FNDC3B: variants seen among roughly 807,000 people sequenced by gnomAD.
FNDC3B encodes the protein fibronectin type III domain-containing protein 3B.
A neutral mutation model predicts 151.5 loss-of-function variants in FNDC3B; 12 were observed. That is an observed-to-expected ratio of 0.08 (90% CI 0.05 to 0.13). The LOEUF is 0.13. FNDC3B is among the 10% of genes least tolerant of loss of function. FNDC3B has a pLI of 1.00. For synonymous variants in FNDC3B, 528 were observed against 549.0 expected, an observed-to-expected ratio of 0.96 and a Z score of 0.54; for missense variants, 1,214 against 1,505.3, an observed-to-expected ratio of 0.81 and a Z score of 3.20.
chr3:172,217,715 C>T (rs1463558383), intron 3 of FNDC3B, among the ~76,000 whole-genome samples: 3 of 152,028 alleles, frequency 2.0e-5, no homozygotes, highest in African/African-American at 7.2e-5. Flanking sequence ...GATACCTCAA[C>T]TTCAATGAAA....
At chr3:172,050,943 T>C (rs1373302031) in intron 1 of FNDC3B, among the ~76,000 whole-genome samples, 2 of 152,092 alleles carry the variant, frequency 1.3e-5, no homozygotes, top group African/African-American at 2.4e-5. Flanking sequence ...CCAGGAGTGA[T>C]ACGAAGAATT....
intron 25 of FNDC3B, among the ~76,000 whole-genome samples, chr3:172,393,910 CA>C (rs1736141568): frequency 1.3e-5 from 2 of 151,622 alleles, no homozygotes; most frequent in Non-Finnish European, 2.9e-5. Flanking sequence ...AGATGGAGAC[CA>C]TCCTGGCTAA....
At chr3:172,061,899 G>C (rs1169700375) in intron 1 of FNDC3B, among the ~76,000 whole-genome samples, 3 of 152,094 alleles carry the variant, frequency 2.0e-5, no homozygotes, top group Non-Finnish European at 4.4e-5. Flanking sequence ...TTTTTTTCCA[G>C]CATTAACCTT....
chr3:172,110,856 G>A (rs1719924952), intron 1 of FNDC3B, among the ~76,000 whole-genome samples: 1 of 152,102 alleles, frequency 6.6e-6, no homozygotes, highest in Non-Finnish European at 1.5e-5. Context: ...CACTTTGGGA[G>A]GCCGAGGTAG....
At chr3:172,181,407 A>AAC (rs1553769934) in intron 3 of FNDC3B, among the ~76,000 whole-genome samples, 11 of 145,042 alleles carry the variant, frequency 7.6e-5, no homozygotes, top group African/African-American at 2.5e-4. Flanking sequence ...AAAAAAAAAA[A>AAC]AAAAAAACAA....
intron 11 of FNDC3B, among the ~76,000 whole-genome samples, chr3:172,323,904 A>G (rs1025136552): frequency 6.6e-6 from 1 of 152,186 alleles, no homozygotes; most frequent in African/African-American, 2.4e-5. Context: ...GCAGGTGCTC[A>G]TAGAGTATGT....
At chr3:172,199,249 G>T (rs1402384290) in intron 3 of FNDC3B, among the ~76,000 whole-genome samples, 1 of 150,752 alleles carries the variant, frequency 6.6e-6, no homozygotes, top group African/African-American at 2.4e-5. Context: ...GCGCGATCTC[G>T]GCTCTCTGCA....
chr3:172,089,137 C>G (rs1426824496), intron 1 of FNDC3B, among the ~76,000 whole-genome samples: 1 of 152,000 alleles, frequency 6.6e-6, no homozygotes, highest in Non-Finnish European at 1.5e-5. Context: ...ACCCATAGGA[C>G]AAAGTAAAAT....
intron 3 of FNDC3B, among the ~76,000 whole-genome samples, chr3:172,157,850 C>T (rs1194407436): frequency 6.6e-6 from 1 of 152,148 alleles, no homozygotes; most frequent in Non-Finnish European, 1.5e-5. Context: ...CTTCTGAGGT[C>T]TGAATGTTTG....
chr3:172,151,328 G>A (rs1431666125), intron 3 of FNDC3B, among the ~76,000 whole-genome samples: 2 of 152,148 alleles, frequency 1.3e-5, no homozygotes, highest in Admixed American at 6.5e-5. Context: ...CATTGTTCAC[G>A]TGTTTGCTGT....
At chr3:172,301,412 T>C (rs1448341452) in intron 9 of FNDC3B, among the ~76,000 whole-genome samples, 2 of 152,214 alleles carry the variant, frequency 1.3e-5, no homozygotes, top group African/African-American at 4.8e-5. Context: ...TTAATAATCT[T>C]AGTTCTGGGA....
intron 3 of FNDC3B, among the ~76,000 whole-genome samples, chr3:172,177,322 A>G (rs1393044754): frequency 2.0e-5 from 3 of 152,246 alleles, no homozygotes; most frequent in Non-Finnish European, 2.9e-5. Context: ...TCTACATTTT[A>G]ACAGACTCCT....
Position 172,114,253 on chromosome 3 carries a change from C to T in FNDC3B, c.111+1663C>T, listed in dbSNP as rs374177831. On this transcript the variant is annotated intron_variant, in intron 2 of 25. Coordinates refer to ENST00000415807, the MANE Select transcript of FNDC3B (RefSeq NM_022763.4). ...GCTCAAGTAGTTCATGGGAAGGTTG[C>T]AGAGTGTTGTGGATGGTTTCAAGAT... 2.6e-5 allele frequency among the ~76,000 whole-genome samples: 4 copies of T among 152,040 alleles called. No homozygotes were observed. The East Asian group carries it at 5.8e-4, about 22-fold the overall frequency.
At chr3:172,166,244 T>C (rs1722996009) in intron 3 of FNDC3B, among the ~76,000 whole-genome samples, 1 of 152,234 alleles carries the variant, frequency 6.6e-6, no homozygotes, top group African/African-American at 2.4e-5. Flanking sequence ...TCCCAGTATA[T>C]ATTGGACTAT....
chr3:172,102,638 C>T (rs1218462048), intron 1 of FNDC3B, among the ~76,000 whole-genome samples: 1 of 152,140 alleles, frequency 6.6e-6, no homozygotes, highest in African/African-American at 2.4e-5. Context: ...TCCTGAAAAG[C>T]AGTGGGACCT....
chr3:172,303,516 C>T (rs1406291355), intron 9 of FNDC3B, among the ~76,000 whole-genome samples: 1 of 152,174 alleles, frequency 6.6e-6, no homozygotes, highest in Non-Finnish European at 1.5e-5. Context: ...TCTTGGAGCA[C>T]CTGTTTCCTA....
At chr3:172,252,992 A>G (rs1223357256) in intron 6 of FNDC3B, among the ~76,000 whole-genome samples, 1 of 152,204 alleles carries the variant, frequency 6.6e-6, no homozygotes, top group Non-Finnish European at 1.5e-5. Flanking sequence ...TTACAATTTA[A>G]CCATGACTAT....
intron 4 of FNDC3B, among the ~76,000 whole-genome samples, chr3:172,244,172 A>C (rs977412724): frequency 3.3e-5 from 5 of 152,200 alleles, no homozygotes; most frequent in Non-Finnish European, 5.9e-5. Context: ...CTTAGCACAT[A>C]GTATGTGTCA....
chr3:172,312,340 C>G (rs1731546887), intron 11 of FNDC3B, among the ~76,000 whole-genome samples: 1 of 152,150 alleles, frequency 6.6e-6, no homozygotes, highest in Non-Finnish European at 1.5e-5. Context: ...CCCGTACATT[C>G]TACAGATTAG....
Sources: allele counts gnomAD v4.1 joint callset (sites outside exome capture counted in the v4.1 genomes callset), GRCh38; gene constraint gnomAD v4.1.1; transcripts MANE v1.5; gene names NCBI Gene and HGNC (gene_info 2026-07-23, HGNC 2026-07-21).